SYT14: variants seen among roughly 807,000 people sequenced by gnomAD.
The protein encoded by SYT14 is synaptotagmin 14.
A neutral mutation model predicts 74.2 loss-of-function variants in SYT14; 32 were observed. The ratio of observed to expected loss-of-function variants is 0.43; its 90% CI spans 0.33 to 0.58. SYT14 has a LOEUF of 0.58. Ranked by LOEUF, SYT14 falls within the 20% of genes least tolerant of loss-of-function variation. The pLI, the probability that SYT14 is intolerant of heterozygous loss-of-function variation, is 0.05. For missense variants in SYT14, 791 were observed against 981.8 expected, an observed-to-expected ratio of 0.81 and a Z score of 2.60; for synonymous variants, 298 against 337.7, an observed-to-expected ratio of 0.88 and a Z score of 1.29.
At chr1:210,077,897 A>G (rs968261658) in intron 5 of SYT14, among the ~76,000 whole-genome samples, 11 of 152,174 alleles carry the variant, frequency 7.2e-5, no homozygotes, top group Admixed American at 2.0e-4. Flanking sequence ...AAAGGAAGGG[A>G]TTGTTAAACA....
At chr1:210,060,431 A>C (rs2081187424) in intron 5 of SYT14, among the ~76,000 whole-genome samples, 1 of 152,108 alleles carries the variant, frequency 6.6e-6, no homozygotes, top group South Asian at 2.1e-4. Context: ...TCTTTCTTTT[A>C]GTTCTTTTAT....
chr1:210,056,096 A>AT (rs2081090965), intron 5 of SYT14, among the ~76,000 whole-genome samples: 1 of 152,196 alleles, frequency 6.6e-6, no homozygotes, highest in South Asian at 2.1e-4. Flanking sequence ...ATTGATATAA[A>AT]TTAGCACCCA....
intron 2 of SYT14, among the ~76,000 whole-genome samples, chr1:209,996,153 C>G (rs189446625): frequency 1.2e-3 from 189 of 152,066 alleles, no homozygotes; most frequent in Non-Finnish European, 2.8e-4. Context: ...TGAAATTGAG[C>G]TACAATAATC....
intron 2 of SYT14, among the ~76,000 whole-genome samples, chr1:209,962,309 G>A (rs1234978573): frequency 6.6e-6 from 1 of 151,630 alleles, no homozygotes; most frequent in African/African-American, 2.4e-5. Context: ...AGACACTACT[G>A]TTAAGGGATA....
chr1:210,158,854 A>T (rs1161089412), intron 8 of SYT14, among the ~76,000 whole-genome samples: 9 of 152,170 alleles, frequency 5.9e-5, no homozygotes. Context: ...ATTATATAAG[A>T]TTATAGCCCC....
chr1:209,960,887 G>A (rs1044307160), intron 2 of SYT14, among the ~76,000 whole-genome samples: 3 of 152,100 alleles, frequency 2.0e-5, no homozygotes, highest in Non-Finnish European at 4.4e-5. Context: ...AGAGTACAAG[G>A]TGTGAGAGAT....
intron 1 of SYT14, among the ~76,000 whole-genome samples, chr1:209,941,085 C>A (rs563896977): frequency 2.0e-5 from 3 of 152,142 alleles, no homozygotes; most frequent in Admixed American, 6.5e-5. Flanking sequence ...CTCTTATTAG[C>A]TATGGCCCAG....
intron 2 of SYT14, among the ~76,000 whole-genome samples, chr1:209,991,059 C>A (rs760624884): frequency 1.3e-5 from 2 of 152,096 alleles, no homozygotes; most frequent in Non-Finnish European, 2.9e-5. Flanking sequence ...GTAAGTGGCG[C>A]TAGGAAAATT....
chr1:210,051,637 T>G (rs2080998884), intron 5 of SYT14, among the ~76,000 whole-genome samples: 1 of 152,184 alleles, frequency 6.6e-6, no homozygotes, highest in Admixed American at 6.5e-5. Context: ...ATACTACATA[T>G]GTGTGTATGT....
intron 7 of SYT14, among the ~76,000 whole-genome samples, chr1:210,114,868 A>G (rs1439296449): frequency 6.6e-6 from 1 of 150,968 alleles, no homozygotes; most frequent in African/African-American, 2.5e-5. Context: ...TCGGCCTAGC[A>G]AGGAGCAGCC....
At chr1:209,973,091 T>A (rs554893412) in intron 2 of SYT14, among the ~76,000 whole-genome samples, 16 of 152,226 alleles carry the variant, frequency 1.1e-4, no homozygotes, top group Non-Finnish European at 2.1e-4. Context: ...TATCATTATG[T>A]AATGCATTTC....
chr1:210,161,905 A>C (rs1232366247), exon 10 of SYT14: 1 of 452,348 alleles, frequency 2.2e-6, no homozygotes. Context: ...TCAAAATTGC[A>C]GTAGTGTGAA....
In SYT14 at chr1:209,938,280, A is replaced by T; in HGVS notation, c.-534+3A>T. On this transcript the variant is annotated splice_donor_region_variant and intron_variant, in intron 1 of 9. Transcript: ENST00000637265. ...CGAGCGCATCATGGCGATTGAAGGTAAGTGGAGGCTGACAGCGGGGAGCGA... is the reference window on the plus strand; with the variant it reads ...CGAGCGCATCATGGCGATTGAAGGTTAGTGGAGGCTGACAGCGGGGAGCGA... The T allele has an allele frequency of 6.4e-7, 1 of 1,557,424 alleles. No individual in the cohort carries two copies. Among genetic ancestry groups the T allele is most frequent in the Non-Finnish European group, 8.7e-7 (1 of 1,148,118 alleles).
intron 2 of SYT14, among the ~76,000 whole-genome samples, chr1:209,957,188 A>G (rs2079007167): frequency 6.6e-6 from 1 of 152,038 alleles, no homozygotes; most frequent in Non-Finnish European, 1.5e-5. Context: ...TTCAGATTTA[A>G]CATGGACTTT....
chr1:210,060,892 G>A (rs1025849237), intron 5 of SYT14, among the ~76,000 whole-genome samples: 12 of 151,956 alleles, frequency 7.9e-5, no homozygotes, highest in African/African-American at 2.7e-4. Context: ...GATCAACAGC[G>A]TTATCTATAA....
chr1:210,160,483 T>C (rs2083351294), intron 9 of SYT14, among the ~76,000 whole-genome samples: 1 of 152,112 alleles, frequency 6.6e-6, no homozygotes, highest in Non-Finnish European at 1.5e-5. Context: ...AAATTCTAAC[T>C]ATTACATAGA....
In SYT14 at chr1:209,952,981, G is replaced by A. The variant is rs1176538542; in HGVS notation, c.-486+225G>A. ...TAGTTTTGATGGGCTAATAAAGCCT[G>A]GTTTCTAGCATATTGGTTGTTAGAC... On this transcript the variant is annotated intron_variant, in intron 2 of 9. Transcript: ENST00000637265. 3.6e-6 allele frequency: 5 copies of A among 1,376,908 alleles called. No individual in the cohort carries two copies. In the Admixed American group the frequency reaches 6.2e-5, roughly 17 times the overall value. The allele number at this position is 1,376,908 out of a possible 1,614,324, so 85.3% of individuals were successfully genotyped here. A position where few individuals can be genotyped will look rare whatever the true frequency, so the allele number is the denominator to read the frequency against.
At chr1:209,975,147 G>A (rs936521816) in intron 2 of SYT14, among the ~76,000 whole-genome samples, 6 of 152,144 alleles carry the variant, frequency 3.9e-5, no homozygotes, top group Non-Finnish European at 7.4e-5. Context: ...ATACAATCAC[G>A]TCATATGCAA....
chr1:209,968,811 G>A (rs1017011095), intron 2 of SYT14, among the ~76,000 whole-genome samples: 1 of 151,568 alleles, frequency 6.6e-6, no homozygotes, highest in Non-Finnish European at 1.5e-5. Context: ...TTTGTGTGAT[G>A]GTGAGGTTTA....
Sources: gnomAD v4.1 joint callset for allele counts (sites outside exome capture counted in the v4.1 genomes callset) on GRCh38, gnomAD v4.1.1 for gene constraint, MANE v1.5 for transcripts, NCBI Gene and HGNC (gene_info 2026-07-23, HGNC 2026-07-21) for gene names.